The following ATP1A3 variants were observed in gnomAD, a reference collection of about 807,000 sequenced individuals.
The protein encoded by ATP1A3 is ATPase Na+/K+ transporting subunit alpha 3.
ATP1A3 carries 12 observed loss-of-function variants against 108.8 expected under a neutral mutation model. That is an observed-to-expected ratio of 0.11 (90% CI 0.07 to 0.18). The LOEUF (loss-of-function observed/expected upper bound fraction) is 0.18. ATP1A3 is among the 10% of genes least tolerant of loss of function. The pLI, the probability that ATP1A3 is intolerant of heterozygous loss-of-function variation, is 1.00. For missense variants in ATP1A3, 498 were observed against 1,387.7 expected (o/e 0.36, Z 10.19); for synonymous variants, 539 against 564.5 (o/e 0.95, Z 0.64).
At chr19:41,973,188 C>T (rs113605370) in intron 16 of ATP1A3, among the ~76,000 whole-genome samples, 5,433 of 152,174 alleles carry the variant, frequency 0.036, 327 homozygotes, top group African/African-American at 0.12. Context: ...GGGATGGAGG[C>T]GCAGGGGCCC....
At chr19:41,972,100 A>C (rs906654840) in intron 16 of ATP1A3, among the ~76,000 whole-genome samples, 9 of 152,016 alleles carry the variant, frequency 5.9e-5, no homozygotes, top group Admixed American at 2.0e-4. Context: ...AAATACAAAA[A>C]TTAGCTGGGC....
chr19:41,987,847 A>G (rs2145982868), intron 4 of ATP1A3, 89 bp downstream of exon 4: 1 of 1,505,160 alleles, frequency 6.6e-7, no homozygotes, highest in Non-Finnish European at 9.2e-7. Context: ...GTGGGCTGTG[A>G]AAAGCTTAGA....
rs183825531 is a variant in ATP1A3 at position 41,982,946 on chromosome 19, G to A, written c.994-840C>T. Reference sequence around the variant, plus strand: ...GGGGGCTTCAGGGAGACGCAGTCTCGTTGCAGCTGACGTGATTCTGTTCAG... The same window carrying A: ...GGGGGCTTCAGGGAGACGCAGTCTCATTGCAGCTGACGTGATTCTGTTCAG... On this transcript the variant is annotated intron_variant, in intron 8 of 22. Coordinates refer to ENST00000648268, the MANE Select transcript of ATP1A3 (RefSeq NM_152296.5). Among the ~76,000 whole-genome samples the A allele has an allele frequency of 2.6e-3, 395 of 152,306 alleles. 1 individual carries two copies. Among genetic ancestry groups the A allele is most frequent in the African/African-American group, 8.9e-3 (371 of 41,574 alleles).
At chr19:41,969,624 G>A in intron 18 of ATP1A3, 44 bp from the exon 19 acceptor site, 1 of 1,611,024 alleles carries the variant, frequency 6.2e-7, no homozygotes, top group South Asian at 1.1e-5. Flanking sequence ...TCAGATTGGG[G>A]CCAGCAGCCA....
At chr19:41,976,386 C>G (rs548631040) in intron 15 of ATP1A3, 30 bp downstream of exon 15, 22 of 1,613,484 alleles carry the variant, frequency 1.4e-5, no homozygotes, top group African/African-American at 6.7e-5. Flanking sequence ...GTCAAGGCCC[C>G]GTCCCCTCCT....
chr19:41,968,763 A>G lies in ATP1A3; in HGVS notation c.2819+22T>C, dbSNP rs2075070664. ...GGACAGGACAGATGGCTGTCCAGTC[A>G]CCATGTGCCCCCGGCCCTCACTTCA... is the stretch of plus-strand genomic sequence containing the variant. On this transcript the variant is annotated intron_variant, in intron 20 of 22. Transcript: ENST00000648268. This position sits in a 1 kb window ranked among gnomAD's most constrained non-coding sequence, Gnocchi z 5.0. The G allele has an allele frequency of 6.2e-7, 1 of 1,613,588 alleles. No homozygotes were observed.
intron 14 of ATP1A3, among the ~76,000 whole-genome samples, chr19:41,976,956 C>T (rs1454765467): frequency 6.6e-6 from 1 of 151,734 alleles, no homozygotes; most frequent in Non-Finnish European, 1.5e-5. Context: ...AGGTGCCCAC[C>T]ACCACGCCTG....
chr19:41,993,985 C>T, intron 1 of ATP1A3, 86 bp downstream of exon 1: 2 of 1,581,832 alleles, frequency 1.3e-6, no homozygotes, highest in Non-Finnish European at 1.7e-6. Context: ...CGCAGGGGTC[C>T]CGGTGCCCCC....
At position 41,981,383 on chromosome 19, in the gene ATP1A3, C is replaced by G; in HGVS notation, c.1437+119G>C. ...AAGCTCTCCCTGTTCCTCTCCCCAC[C>G]AGGCGGGTATTATCATTCCCATTTT... is the stretch of plus-strand genomic sequence containing the variant. On this transcript the variant is annotated intron_variant, in intron 11 of 22. Coordinates refer to ENST00000648268, the MANE Select transcript of ATP1A3 (RefSeq NM_152296.5). This position sits in a 1 kb window ranked among gnomAD's most constrained non-coding sequence, Gnocchi z 5.0. 6.7e-7 allele frequency: 1 copy of G among 1,482,588 alleles called. No homozygotes were observed. The highest frequency in any genetic ancestry group is 2.3e-5 in the East Asian group (1 of 44,126). The allele number at this position is 1,482,588 out of a possible 1,614,324, so 91.8% of individuals were successfully genotyped here. A position where few individuals can be genotyped will look rare whatever the true frequency, so the allele number is the denominator to read the frequency against.
chr19:41,968,976 AC>A lies in ATP1A3; in HGVS notation c.2689-62del, dbSNP rs2075073438. 5.0e-6 allele frequency: 8 copies of A among 1,609,544 alleles called. No individual in the cohort carries two copies. Among genetic ancestry groups the A allele is most frequent in the Non-Finnish European group, 6.8e-6 (8 of 1,178,454 alleles). ...TAGTGGCACTGCAGCCCTAGCCGCC[AC>A]CCCGACGTTCCGGTGCTCTTTGCCC... On this transcript the variant is annotated intron_variant, in intron 19 of 22. Transcript: ENST00000648268. The surrounding 1 kb of genome is among the most constrained non-coding windows in gnomAD (Gnocchi z 5.0).
In ATP1A3 at chr19:41,985,852, G is replaced by A. The variant is rs1555865235; in HGVS notation, c.606+12C>T. The A allele has an allele frequency of 1.9e-6, 3 of 1,613,636 alleles. No homozygotes were observed. The African/African-American group carries it at 4.0e-5, about 22-fold the overall frequency. ...GAGGGAGGGTAAAGCCGGGCCCTAG[G>A]CCCAGGCCCACCTTGCAGCCGTGGG... On this transcript the variant is annotated intron_variant, in intron 6 of 22. Transcript: ENST00000648268. This position sits in a 1 kb window ranked among gnomAD's most constrained non-coding sequence, Gnocchi z 8.2.
chr19:41,967,222 C>A lies in ATP1A3; in HGVS notation c.3013+27G>T, dbSNP rs550716264. On this transcript the variant is annotated intron_variant, in intron 22 of 22. Coordinates refer to ENST00000648268, the MANE Select transcript of ATP1A3 (RefSeq NM_152296.5). This position sits in a 1 kb window ranked among gnomAD's most constrained non-coding sequence, Gnocchi z 4.2. ...TGAGACCCTGCTGCCCCCCGCCCCC[C>A]TCGGCTGCCTTGCCGAGCTCCCTCA... is the stretch of plus-strand genomic sequence containing the variant. 51 of 1,613,842 alleles carry A rather than the reference C, an allele frequency of 3.2e-5. No homozygotes were observed. In the South Asian group the frequency reaches 5.1e-4, roughly 16 times the overall value.
intron 16 of ATP1A3, among the ~76,000 whole-genome samples, chr19:41,972,581 A>G (rs2075120892): frequency 6.6e-6 from 1 of 152,000 alleles, no homozygotes; most frequent in Non-Finnish European, 1.5e-5. Flanking sequence ...CCTGGCCAAC[A>G]TGGTGAAACC....
At chr19:41,977,397 G>C (rs2075182743) in intron 14 of ATP1A3, among the ~76,000 whole-genome samples, 2 of 152,050 alleles carry the variant, frequency 1.3e-5, no homozygotes, top group South Asian at 4.2e-4. Flanking sequence ...GTATAAGCTG[G>C]AATGCAGGCC....
Position 41,989,190 on chromosome 19 carries a change from T to G in ATP1A3, c.7-628A>C, listed in dbSNP as rs1024296382. Among the ~76,000 whole-genome samples the G allele has an allele frequency of 2.1e-4, 32 of 152,162 alleles. 1 individual carries two copies. The highest frequency in any genetic ancestry group is 7.5e-4 in the African/African-American group (31 of 41,430). ...CCTGGACTCAAGCGATCCTCCTGCT[T>G]TAGCCTCCCAAACTGTTGGGATTAT... On this transcript the variant is annotated intron_variant, in intron 1 of 22. Coordinates refer to ENST00000648268, the MANE Select transcript of ATP1A3 (RefSeq NM_152296.5).
chr19:41,975,048 T>C (rs1258878360), intron 16 of ATP1A3, among the ~76,000 whole-genome samples: 1 of 151,944 alleles, frequency 6.6e-6, no homozygotes, highest in Non-Finnish European at 1.5e-5. Flanking sequence ...CTGGTTGGGC[T>C]TGAGAATTTT....
Position 41,968,864 on chromosome 19 carries a change from C to T in ATP1A3, c.2740G>A (p.Val914Met), listed in dbSNP as rs1555859167. 6.2e-7 allele frequency: 1 copy of T among 1,614,134 alleles called. No individual in the cohort carries two copies. Among genetic ancestry groups the T allele is most frequent in the Non-Finnish European group, 8.5e-7 (1 of 1,180,000 alleles). The part of the protein sequence containing the change: ...VEFTCHTAFF[V>M]SIVVVQWADL... Reference sequence around the variant, plus strand: ...GCCCACTGGACGACAACGATGCTCACAAAGAAGGCCGTGTGGCAGGTGAAC... The same window carrying T: ...GCCCACTGGACGACAACGATGCTCATAAAGAAGGCCGTGTGGCAGGTGAAC... Residue 914 changes from valine to methionine, a missense_variant, in exon 20 of 23, where the codon GTG (valine) becomes ATG (methionine). Coordinates refer to ENST00000648268, the MANE Select transcript of ATP1A3 (RefSeq NM_152296.5). The surrounding 1 kb of genome is among the most constrained non-coding windows in gnomAD (Gnocchi z 5.0).
At chr19:41,976,744 C>T (rs886171767) in intron 14 of ATP1A3, among the ~76,000 whole-genome samples, 178 bp from the exon 15 acceptor site, 24 of 151,996 alleles carry the variant, frequency 1.6e-4, no homozygotes, top group Middle Eastern at 3.4e-3. Flanking sequence ...TGCAGCAGGG[C>T]GTGCGGGCAG....
Position 41,968,874 on chromosome 19 carries a change from C to A in ATP1A3, c.2730G>T (p.Thr910=). 1.9e-6 allele frequency: 3 copies of A among 1,614,100 alleles called. No homozygotes were observed. The highest frequency in any genetic ancestry group is 2.5e-6 in the Non-Finnish European group (3 of 1,179,974). Residue 910 remains threonine (T), a synonymous_variant, in exon 20 of 23, where the codon ACG becomes ACT. Transcript: ENST00000648268. The surrounding 1 kb of genome is among the most constrained non-coding windows in gnomAD (Gnocchi z 5.0). ...CGACAACGATGCTCACAAAGAAGGCCGTGTGGCAGGTGAACTCCACCACCT... is the reference window on the plus strand; with the variant it reads ...CGACAACGATGCTCACAAAGAAGGCAGTGTGGCAGGTGAACTCCACCACCT... ...QRKVVEFTCH[T]AFFVSIVVVQ...
Sources: gnomAD v4.1 joint callset for allele counts (sites outside exome capture counted in the v4.1 genomes callset) on GRCh38, gnomAD v4.1.1 for gene constraint, Gnocchi (gnomAD v3.1) non-coding constraint, MANE v1.5 for transcripts, NCBI Gene and HGNC (gene_info 2026-07-23, HGNC 2026-07-21) for gene names.